Variants in GALNT13 observed in about 807,000 individuals in gnomAD.
GALNT13 encodes the protein polypeptide N-acetylgalactosaminyltransferase 13, also known as UDP-GalNAc:polypeptide N-acetylgalactosaminyltransferase 13.
A neutral mutation model predicts 64.2 loss-of-function variants in GALNT13; 28 were observed. That is an observed-to-expected ratio of 0.44 (90% CI 0.32 to 0.60). The LOEUF (loss-of-function observed/expected upper bound fraction) is 0.60. GALNT13 is among the 20% of genes least tolerant of loss of function. The probability of loss-of-function intolerance (pLI) is 0.05; values close to 1 mark genes in which losing one functional copy is unlikely to be tolerated. For synonymous variants in GALNT13, 214 were observed against 224.6 expected, an observed-to-expected ratio of 0.95 and a Z score of 0.42; for missense variants, 577 against 669.8, an observed-to-expected ratio of 0.86 and a Z score of 1.53.
the GALNT13 span, chr2:153,354,422 C>T: frequency 6.6e-6 from 1 of 152,156 alleles, no homozygotes; most frequent in Non-Finnish European, 1.5e-5. Context: ...CCTTTTAATT[C>T]ATAGTAAAAC....
At chr2:153,126,884 G>C in the GALNT13 span, among the ~76,000 whole-genome samples, 1 of 152,116 alleles carries the variant, frequency 6.6e-6, no homozygotes, top group African/African-American at 2.4e-5. Flanking sequence ...TTAAAGCTGT[G>C]CCTATGCCAC....
Position 154,349,298 on chromosome 2 carries a change from G to A in GALNT13, c.1157-46693G>A, listed in dbSNP as rs561139321. 7.9e-5 allele frequency among the ~76,000 whole-genome samples: 12 copies of A among 152,226 alleles called. No individual in the cohort carries two copies. In the East Asian group the frequency reaches 1.9e-3, roughly 24 times the overall value. ...TAAATTTTCCTATCCATGAAATGTG[G>A]ATAAAATACAACTGTTTTAACTGGT... On this transcript the variant is annotated intron_variant, in intron 9 of 12. Transcript: ENST00000392825.
chr2:153,560,137 C>T, the GALNT13 span, among the ~76,000 whole-genome samples: 1 of 151,916 alleles, frequency 6.6e-6, no homozygotes, highest in Non-Finnish European at 1.5e-5. Context: ...AGTCATGTCT[C>T]CATAAAGTAC....
the GALNT13 span, among the ~76,000 whole-genome samples, chr2:153,124,875 G>A: frequency 6.6e-6 from 1 of 152,166 alleles, no homozygotes; most frequent in Non-Finnish European, 1.5e-5. Flanking sequence ...AATACGGCAA[G>A]TTTTGCTCCT....
the GALNT13 span, among the ~76,000 whole-genome samples, chr2:153,443,393 T>C: frequency 6.6e-6 from 1 of 152,168 alleles, no homozygotes; most frequent in Non-Finnish European, 1.5e-5. Context: ...GTCTAGCCAG[T>C]CCTAATGAGA....
the GALNT13 span, among the ~76,000 whole-genome samples, chr2:153,602,697 G>C: frequency 6.6e-6 from 1 of 151,744 alleles, no homozygotes; most frequent in African/African-American, 2.4e-5. Flanking sequence ...ATAAGGCTTT[G>C]GAGATCATAG....
At chr2:154,296,139 T>C (rs10184489) in intron 8 of GALNT13, among the ~76,000 whole-genome samples, 22,056 of 152,160 alleles carry the variant, frequency 0.14, 1,624 homozygotes, top group Middle Eastern at 0.18. Flanking sequence ...CCATGCTCTA[T>C]AGAGCCCAGA....
the GALNT13 span, among the ~76,000 whole-genome samples, chr2:153,374,864 A>G: frequency 6.6e-6 from 1 of 152,150 alleles, no homozygotes; most frequent in Non-Finnish European, 1.5e-5. Context: ...TCACCTCTTC[A>G]GCATTAATGG....
the GALNT13 span, among the ~76,000 whole-genome samples, chr2:153,497,533 T>A: frequency 0.041 from 4,564 of 110,648 alleles, 124 homozygotes; most frequent in Non-Finnish European, 0.05. Flanking sequence ...TTTTTTTTTT[T>A]TTTTTTTTTT....
intron 3 of GALNT13, among the ~76,000 whole-genome samples, chr2:154,126,284 TA>T (rs879718583): frequency 1.8e-4 from 27 of 147,786 alleles, no homozygotes; most frequent in Admixed American, 4.0e-4. Flanking sequence ...ACAGCTAGGG[TA>T]AAAAAAAAAT....
At chr2:153,729,987 T>C in the GALNT13 span, among the ~76,000 whole-genome samples, 3 of 151,752 alleles carry the variant, frequency 2.0e-5, no homozygotes, top group Admixed American at 6.6e-5. Flanking sequence ...AATGGGAGAA[T>C]CAATATTGTT....
At chr2:153,662,611 A>G in the GALNT13 span, among the ~76,000 whole-genome samples, 1 of 152,190 alleles carries the variant, frequency 6.6e-6, no homozygotes, top group Non-Finnish European at 1.5e-5. Flanking sequence ...TCTGATTGAA[A>G]TGAGTCTTCT....
At chr2:153,701,538 A>G in the GALNT13 span, among the ~76,000 whole-genome samples, 1 of 152,248 alleles carries the variant, frequency 6.6e-6, no homozygotes, top group Non-Finnish European at 1.5e-5. Context: ...AAAAGAAACT[A>G]TCAACAGAGT....
Position 154,344,818 on chromosome 2 carries a change from T to A in GALNT13, c.1156+43229T>A, listed in dbSNP as rs544393019. 1.6e-4 allele frequency among the ~76,000 whole-genome samples: 25 copies of A among 151,980 alleles called. 1 individual carries two copies. Among genetic ancestry groups the A allele is most frequent in the African/African-American group, 5.3e-4 (22 of 41,506 alleles). The stretch of plus-strand genomic sequence containing the variant: ...CGAATAGAATTTGAGAAAGGTATAT[T>A]TTGAATTCTAGATGGAGGGAGAGAG... On this transcript the variant is annotated intron_variant, in intron 9 of 12. Coordinates refer to ENST00000392825, the MANE Select transcript of GALNT13 (RefSeq NM_052917.4).
chr2:154,419,692 T>C (rs1200496866), intron 11 of GALNT13, among the ~76,000 whole-genome samples: 4 of 152,116 alleles, frequency 2.6e-5, no homozygotes, highest in Non-Finnish European at 4.4e-5. Context: ...AACAGCTTCG[T>C]AAAAGTTCAG....
At chr2:153,435,601 GGATTTCACTCA>G in the GALNT13 span, among the ~76,000 whole-genome samples, 1 of 151,918 alleles carries the variant, frequency 6.6e-6, no homozygotes, top group Non-Finnish European at 1.5e-5. Flanking sequence ...ATTGTGAATG[GGATTTCACTCA>G]TGATTTGGCT....
chr2:153,456,684 A>G, the GALNT13 span, among the ~76,000 whole-genome samples: 1 of 152,230 alleles, frequency 6.6e-6, no homozygotes, highest in Non-Finnish European at 1.5e-5. Flanking sequence ...AACAACTTGT[A>G]AATTAAGTAT....
the GALNT13 span, among the ~76,000 whole-genome samples, chr2:153,213,838 T>C: frequency 6.6e-6 from 1 of 152,150 alleles, no homozygotes; most frequent in Non-Finnish European, 1.5e-5. Flanking sequence ...GCTGATATAA[T>C]GAAAGTATTA....
At chr2:153,712,037 G>A in the GALNT13 span, among the ~76,000 whole-genome samples, 1 of 152,056 alleles carries the variant, frequency 6.6e-6, no homozygotes, top group Non-Finnish European at 1.5e-5. Flanking sequence ...AAATAAAATT[G>A]GTTTGGGTTT....
Sources: allele counts gnomAD v4.1 joint callset (sites outside exome capture counted in the v4.1 genomes callset), GRCh38; gene constraint gnomAD v4.1.1; transcripts MANE v1.5; gene names NCBI Gene and HGNC (gene_info 2026-07-23, HGNC 2026-07-21).